The following LRP12 variants were observed in gnomAD, a reference collection of about 807,000 sequenced individuals.
LRP12 encodes LDL receptor related protein 12.
Under a neutral mutation model 66.0 loss-of-function variants are expected in LRP12, and 14 were observed. That is an observed-to-expected ratio of 0.21 (90% CI 0.14 to 0.33). The LOEUF (loss-of-function observed/expected upper bound fraction) is 0.33, where lower values mean the gene tolerates loss of function less well. LRP12 is among the 10% of genes least tolerant of loss of function. The pLI, the probability that LRP12 is intolerant of heterozygous loss-of-function variation, is 1.00. For missense variants in LRP12, 889 were observed against 1,053.4 expected (o/e 0.84, Z 2.16); for synonymous variants, 357 against 359.1 (o/e 0.99, Z 0.07).
At chr8:104,570,502 G>A (rs773400318) in intron 1 of LRP12, among the ~76,000 whole-genome samples, 9 of 152,134 alleles carry the variant, frequency 5.9e-5, no homozygotes, top group East Asian at 1.9e-4. Flanking sequence ...TTTGATAAAC[G>A]TGCAAAGGCA....
intron 3 of LRP12, chr8:104,506,205 T>C (rs1810903860): frequency 6.6e-6 from 1 of 152,194 alleles, no homozygotes; most frequent in African/African-American, 2.4e-5. Context: ...TAATGCTATG[T>C]ATTTTTTTTA....
chr8:104,586,402 T>C (rs1812334015), intron 1 of LRP12, among the ~76,000 whole-genome samples: 2 of 152,250 alleles, frequency 1.3e-5, no homozygotes, highest in Non-Finnish European at 2.9e-5. Flanking sequence ...TGGAGTTCCC[T>C]AAATATTGGC....
chr8:104,553,416 T>A (rs1276257542), intron 1 of LRP12, among the ~76,000 whole-genome samples: 1 of 151,782 alleles, frequency 6.6e-6, no homozygotes, highest in African/African-American at 2.4e-5. Flanking sequence ...ACGGTGGGAG[T>A]GAAACCGGCC....
intron 1 of LRP12, among the ~76,000 whole-genome samples, chr8:104,556,252 G>C (rs925600931): frequency 6.6e-6 from 1 of 152,042 alleles, no homozygotes; most frequent in Non-Finnish European, 1.5e-5. Flanking sequence ...CAAGGAACTA[G>C]AGAAACAAGA....
chr8:104,581,954 C>A (rs1812255598), intron 1 of LRP12, among the ~76,000 whole-genome samples: 1 of 152,146 alleles, frequency 6.6e-6, no homozygotes, highest in Non-Finnish European at 1.5e-5. Context: ...CGAAACAATT[C>A]TACTTCAAAA....
At chr8:104,518,693 C>A (rs967221579) in intron 2 of LRP12, among the ~76,000 whole-genome samples, 1 of 152,028 alleles carries the variant, frequency 6.6e-6, no homozygotes, top group Non-Finnish European at 1.5e-5. Context: ...ACAGGCAGAA[C>A]TGACCAGCTT....
intron 4 of LRP12, 87 bp downstream of exon 4, chr8:104,499,230 A>G: frequency 4.8e-6 from 5 of 1,046,666 alleles, no homozygotes; most frequent in Non-Finnish European, 7.0e-6. Context: ...TAATTAAATG[A>G]ACACTACTTA....
intron 1 of LRP12, among the ~76,000 whole-genome samples, chr8:104,555,704 A>T (rs1193196523): frequency 6.6e-6 from 1 of 152,204 alleles, no homozygotes; most frequent in Non-Finnish European, 1.5e-5. Flanking sequence ...AGAGCAACAC[A>T]ATATTAGTGG....
chr8:104,519,168 A>C (rs1811113394), intron 2 of LRP12, among the ~76,000 whole-genome samples: 1 of 151,950 alleles, frequency 6.6e-6, no homozygotes, highest in African/African-American at 2.4e-5. Context: ...TAGTGTCCTG[A>C]TTTCTCTGAC....
chr8:104,531,317 A>G (rs553386367), intron 2 of LRP12, among the ~76,000 whole-genome samples: 2 of 152,274 alleles, frequency 1.3e-5, no homozygotes, highest in African/African-American at 4.8e-5. Flanking sequence ...GCCTAAGAAT[A>G]AAAATTTTAG....
intron 3 of LRP12, among the ~76,000 whole-genome samples, chr8:104,502,983 G>A (rs1810851373): frequency 6.6e-6 from 1 of 152,052 alleles, no homozygotes; most frequent in Non-Finnish European, 1.5e-5. Flanking sequence ...TCAGAAGTTC[G>A]AGACCAACCT....
intron 2 of LRP12, among the ~76,000 whole-genome samples, chr8:104,518,273 C>T (rs1811099689): frequency 6.6e-6 from 1 of 151,804 alleles, no homozygotes; most frequent in Admixed American, 6.6e-5. Context: ...TGGCAGGTAC[C>T]TTAATACTTA....
intron 1 of LRP12, among the ~76,000 whole-genome samples, chr8:104,550,297 T>C (rs922025717): frequency 6.6e-6 from 1 of 152,172 alleles, no homozygotes; most frequent in Non-Finnish European, 1.5e-5. Context: ...TCAAAGCCCA[T>C]AATCTTGAAA....
chr8:104,508,695 A>G (rs958978591), intron 3 of LRP12: 2 of 336,324 alleles, frequency 5.9e-6, no homozygotes, highest in Admixed American at 8.5e-5. Context: ...TTTGTTAAAA[A>G]GTAGCTTAGA....
At chr8:104,542,720 A>G (rs1468175526) in intron 1 of LRP12, among the ~76,000 whole-genome samples, 1 of 152,280 alleles carries the variant, frequency 6.6e-6, no homozygotes, top group East Asian at 1.9e-4. Context: ...TGATTAACAC[A>G]TATTTTCTAT....
At chr8:104,554,958 G>A (rs139151809) in intron 1 of LRP12, among the ~76,000 whole-genome samples, 4,664 of 152,216 alleles carry the variant, frequency 0.031, 239 homozygotes, top group African/African-American at 0.11. Flanking sequence ...AGAAGGGATT[G>A]GGGTCCTATC....
chr8:104,564,888 G>A (rs771676871), intron 1 of LRP12, among the ~76,000 whole-genome samples: 6 of 151,254 alleles, frequency 4.0e-5, no homozygotes, highest in South Asian at 2.1e-4. Flanking sequence ...AGCCTAGATC[G>A]CACCACTGCA....
chr8:104,491,650 CATT>C (rs926230433), intron 6 of LRP12, 111 bp from the exon 7 acceptor site: 2 of 896,476 alleles, frequency 2.2e-6, no homozygotes, highest in Admixed American at 3.3e-5. Flanking sequence ...TTCTGTTACT[CATT>C]GTTGCTTTTG....
Position 104,510,183 on chromosome 8 carries a change from T to C in LRP12, c.137-1109A>G, listed in dbSNP as rs145015750. ...GCATAATGCTGCTTTTAGGGTACTC[T>C]AAATAAGCCTAACAGTAAGATGCTG... On this transcript the variant is annotated intron_variant, in intron 2 of 6. Transcript: ENST00000276654. 5.9e-3 allele frequency among the ~76,000 whole-genome samples: 901 copies of C among 152,336 alleles called. 11 individuals carry two copies. Among genetic ancestry groups the C allele is most frequent in the African/African-American group, 0.02 (847 of 41,578 alleles).
Sources: allele counts gnomAD v4.1 joint callset (sites outside exome capture counted in the v4.1 genomes callset), GRCh38; gene constraint gnomAD v4.1.1; transcripts MANE v1.5; gene names NCBI Gene and HGNC (gene_info 2026-07-23, HGNC 2026-07-21).